The following CAMTA1 variants were observed in gnomAD, a reference collection of about 807,000 sequenced individuals.
CAMTA1 encodes the protein calmodulin-binding transcription activator 1.
A neutral mutation model predicts 170.9 loss-of-function variants in CAMTA1; 27 were observed. The ratio of observed to expected loss-of-function variants is 0.16; its 90% CI spans 0.12 to 0.22. CAMTA1 has a LOEUF of 0.22. Among genes scored for constraint, CAMTA1 ranks in the 10% least tolerant of loss-of-function variants. CAMTA1 has a pLI of 1.00. For missense variants in CAMTA1, 1,619 were observed against 2,217.2 expected (o/e 0.73, Z 5.42); for synonymous variants, 833 against 891.5 (o/e 0.93, Z 1.17).
intron 4 of CAMTA1, among the ~76,000 whole-genome samples, chr1:7,158,203 T>C (rs760994465): frequency 2.6e-5 from 4 of 152,098 alleles, no homozygotes; most frequent in Non-Finnish European, 4.4e-5. Context: ...GCCACACACA[T>C]GGATGAATCT....
At chr1:7,089,458 C>T (rs1641183742) in intron 3 of CAMTA1, among the ~76,000 whole-genome samples, 2 of 152,126 alleles carry the variant, frequency 1.3e-5, no homozygotes, top group Admixed American at 1.3e-4. Context: ...TGTCAACTAT[C>T]TTCAGTGACA....
chr1:7,548,382 C>T (rs574087225), intron 6 of CAMTA1, among the ~76,000 whole-genome samples: 1 of 151,482 alleles, frequency 6.6e-6, no homozygotes, highest in African/African-American at 2.4e-5. Context: ...ATGGAGGTGC[C>T]CATGGAGGGC....
intron 5 of CAMTA1, among the ~76,000 whole-genome samples, chr1:7,322,509 C>T (rs1678584961): frequency 6.6e-6 from 1 of 152,266 alleles, no homozygotes; most frequent in African/African-American, 2.4e-5. Context: ...CAGATGGCCA[C>T]TATGGGCAAC....
At chr1:7,625,733 G>A (rs559968844) in intron 6 of CAMTA1, among the ~76,000 whole-genome samples, 4 of 152,248 alleles carry the variant, frequency 2.6e-5, no homozygotes, top group Non-Finnish European at 4.4e-5. Flanking sequence ...CTGGATGGGC[G>A]TTGGTATTCA....
intron 6 of CAMTA1, among the ~76,000 whole-genome samples, chr1:7,553,293 G>A (rs2094833034): frequency 6.6e-6 from 1 of 152,220 alleles, no homozygotes; most frequent in Admixed American, 6.5e-5. Context: ...ATGAATGAGT[G>A]AATGAGTGAG....
chr1:7,690,337 T>A (rs952649867), intron 11 of CAMTA1, among the ~76,000 whole-genome samples: 6 of 152,104 alleles, frequency 3.9e-5, no homozygotes, highest in Admixed American at 6.6e-5. Flanking sequence ...AGCCCTCTGC[T>A]CCCTGGCCCT....
intron 3 of CAMTA1, among the ~76,000 whole-genome samples, chr1:6,939,820 T>C (rs1327841028): frequency 6.6e-6 from 1 of 152,252 alleles, no homozygotes; most frequent in African/African-American, 2.4e-5. Context: ...CTGCCTAGCA[T>C]CTGTCTCCCT....
At chr1:7,422,774 C>T (rs2091647129) in intron 5 of CAMTA1, among the ~76,000 whole-genome samples, 1 of 152,164 alleles carries the variant, frequency 6.6e-6, no homozygotes, top group African/African-American at 2.4e-5. Flanking sequence ...GCACATGCCA[C>T]CTGGACACAG....
intron 3 of CAMTA1, among the ~76,000 whole-genome samples, chr1:6,841,382 CA>C (rs1655636002): frequency 6.6e-6 from 1 of 152,236 alleles, no homozygotes; most frequent in East Asian, 1.9e-4. Context: ...CTTCCTTTCA[CA>C]GAGGGTATCA....
intron 3 of CAMTA1, among the ~76,000 whole-genome samples, chr1:7,086,154 CA>C (rs1465303825): frequency 6.6e-6 from 1 of 152,002 alleles, no homozygotes; most frequent in Admixed American, 6.5e-5. Context: ...ACAAACTAAA[CA>C]TTTAAAATCT....
intron 5 of CAMTA1, among the ~76,000 whole-genome samples, chr1:7,440,108 G>A (rs893172886): frequency 2.6e-5 from 4 of 152,254 alleles, no homozygotes; most frequent in Non-Finnish European, 5.9e-5. Context: ...CATGGCTCAG[G>A]TGGCACTGGC....
rs2096789947 is a variant in CAMTA1 at position 7,738,873 on chromosome 1, G to A, written c.4182+391G>A. ...AAATAGCTAGAACAGGAAGCCCGTGGATAGATTTTGAATTATCTGAGTGAC... is the reference window on the plus strand; with the variant it reads ...AAATAGCTAGAACAGGAAGCCCGTGAATAGATTTTGAATTATCTGAGTGAC... On this transcript the variant is annotated intron_variant, in intron 16 of 22. Transcript: ENST00000303635. This position sits in a 1 kb window ranked among gnomAD's most constrained non-coding sequence, Gnocchi z 4.9. 6.6e-6 allele frequency among the ~76,000 whole-genome samples: 1 copy of A among 152,158 alleles called. No homozygotes were observed.
rs79555436 is a variant in CAMTA1 at position 7,715,212 on chromosome 1, G to C, written c.2915-17236G>C. Among the ~76,000 whole-genome samples the C allele has an allele frequency of 1.7e-3, 261 of 152,258 alleles. 1 individual carries two copies. The highest frequency in any genetic ancestry group is 2.9e-3 in the South Asian group (14 of 4,822). Reference sequence around the variant, plus strand: ...GACAGGGAAGGAAAATCAGGAAAAGGGGGGAAGAGCAGAGAACAGACTAAG... The same window carrying C: ...GACAGGGAAGGAAAATCAGGAAAAGCGGGGAAGAGCAGAGAACAGACTAAG... On this transcript the variant is annotated intron_variant, in intron 11 of 22. Transcript: ENST00000303635.
chr1:7,714,449 C>A (rs1343027645), intron 11 of CAMTA1, among the ~76,000 whole-genome samples: 1 of 152,140 alleles, frequency 6.6e-6, no homozygotes, highest in Non-Finnish European at 1.5e-5. Context: ...TCCTTAATAC[C>A]AAACAGTAAT....
At chr1:7,703,523 A>C (rs1178795301) in intron 11 of CAMTA1, among the ~76,000 whole-genome samples, 1 of 152,090 alleles carries the variant, frequency 6.6e-6, no homozygotes, top group African/African-American at 2.4e-5. Context: ...CTAACCAGCG[A>C]TTCCTCATTG....
intron 7 of CAMTA1, among the ~76,000 whole-genome samples, chr1:7,655,366 A>C (rs1336368871): frequency 1.3e-5 from 2 of 148,822 alleles, no homozygotes; most frequent in African/African-American, 2.5e-5. Flanking sequence ...AAACAAACAC[A>C]CCCACCTATA....
chr1:7,473,260 A>G (rs1018362470), intron 6 of CAMTA1, among the ~76,000 whole-genome samples: 1 of 152,168 alleles, frequency 6.6e-6, no homozygotes, highest in Non-Finnish European at 1.5e-5. Context: ...CCTCCATGGG[A>G]GCCCTGCAGA....
chr1:7,689,267 C>CAAAAAAA (rs371037487), intron 11 of CAMTA1, among the ~76,000 whole-genome samples: 2 of 132,080 alleles, frequency 1.5e-5, no homozygotes, highest in Non-Finnish European at 3.2e-5. Flanking sequence ...AACTCCTTCT[C>CAAAAAAA]AAAAAAAAAA....
chr1:6,949,376 A>G (rs1047443729), intron 3 of CAMTA1, among the ~76,000 whole-genome samples: 5 of 152,240 alleles, frequency 3.3e-5, no homozygotes, highest in Admixed American at 1.3e-4. Flanking sequence ...GAGGGCAGAC[A>G]TATGCAGGGG....
Sources: gnomAD v4.1 joint callset for allele counts (sites outside exome capture counted in the v4.1 genomes callset) on GRCh38, gnomAD v4.1.1 for gene constraint, Gnocchi (gnomAD v3.1) non-coding constraint, MANE v1.5 for transcripts, NCBI Gene and HGNC (gene_info 2026-07-23, HGNC 2026-07-21) for gene names.